TM9SF2: variants seen among roughly 807,000 people sequenced by gnomAD.
TM9SF2 encodes 76 kDa membrane protein.
TM9SF2 carries 13 observed loss-of-function variants against 84.9 expected under a neutral mutation model. The ratio of observed to expected loss-of-function variants is 0.15; its 90% confidence interval spans 0.10 to 0.24. The LOEUF is 0.24. TM9SF2 is among the 10% of genes least tolerant of loss of function. TM9SF2 has a pLI of 1.00. For synonymous variants in TM9SF2, 273 were observed against 285.8 expected (o/e 0.96, Z 0.45); for missense variants, 562 against 818.5 (o/e 0.69, Z 3.82).
intron 1 of TM9SF2, among the ~76,000 whole-genome samples, chr13:99,511,995 C>T (rs2046115540): frequency 6.6e-6 from 1 of 152,160 alleles, no homozygotes. Context: ...TCTTCCTTTT[C>T]CCTAGACTAG....
chr13:99,508,568 A>G (rs1166069223), intron 1 of TM9SF2, among the ~76,000 whole-genome samples: 2 of 152,042 alleles, frequency 1.3e-5, no homozygotes, highest in African/African-American at 2.4e-5. Flanking sequence ...GGTAATTTAT[A>G]AAGAAAAGAT....
chr13:99,505,200 C>T (rs1465210981), intron 1 of TM9SF2, among the ~76,000 whole-genome samples: 2 of 150,076 alleles, frequency 1.3e-5, no homozygotes, highest in Admixed American at 6.6e-5. Flanking sequence ...TCACCCAGGC[C>T]GGAGTGCAGT....
intron 3 of TM9SF2, among the ~76,000 whole-genome samples, chr13:99,528,401 A>T (rs1309574220): frequency 6.6e-6 from 1 of 152,208 alleles, no homozygotes; most frequent in East Asian, 1.9e-4. Context: ...AAGTACATGG[A>T]ACATAGGAAG....
chr13:99,507,241 G>GCCACT (rs1183727219), intron 1 of TM9SF2, among the ~76,000 whole-genome samples: 5 of 152,152 alleles, frequency 3.3e-5, no homozygotes, highest in Non-Finnish European at 7.4e-5. Context: ...TAGGCTCTTC[G>GCCACT]CCACTGCCTT....
intron 1 of TM9SF2, among the ~76,000 whole-genome samples, chr13:99,517,101 A>G (rs2046137995): frequency 6.6e-6 from 1 of 151,900 alleles, no homozygotes; most frequent in African/African-American, 2.4e-5. Context: ...TTATTTGTGT[A>G]TTTTTAAAAT....
Position 99,549,161 on chromosome 13 carries a change from A to G in TM9SF2, c.1271-4A>G, listed in dbSNP as rs145542140. 288 of 1,612,072 alleles carry G rather than the reference A, an allele frequency of 1.8e-4. 1 individual carries two copies. In the African/African-American group the frequency reaches 3.4e-3, roughly 19 times the overall value. ...ATTTATACAACTTTTGTTTTCTTCTATAGCCTTTGGAGGTGAGAAGTGGAA... is the reference window on the plus strand; with the variant it reads ...ATTTATACAACTTTTGTTTTCTTCTGTAGCCTTTGGAGGTGAGAAGTGGAA... On this transcript the variant is annotated splice_polypyrimidine_tract_variant and splice_region_variant and intron_variant, in intron 11 of 16. Coordinates refer to ENST00000376387, the MANE Select transcript of TM9SF2 (RefSeq NM_004800.3).
intron 12 of TM9SF2, among the ~76,000 whole-genome samples, chr13:99,549,940 T>C (rs887226571): frequency 2.0e-5 from 3 of 152,260 alleles, no homozygotes; most frequent in Admixed American, 2.0e-4. Context: ...ATATTCTCTC[T>C]ATCACCTCCA....
chr13:99,539,620 T>G, intron 7 of TM9SF2, 63 bp downstream of exon 7: 1 of 1,057,736 alleles, frequency 9.5e-7, no homozygotes, highest in Non-Finnish European at 1.5e-6. Flanking sequence ...CTACTTAAAC[T>G]AATTAAAATG....
At chr13:99,536,484 GT>G in intron 4 of TM9SF2, 123 bp from the exon 5 acceptor site, 2 of 1,171,410 alleles carry the variant, frequency 1.7e-6, no homozygotes, top group Admixed American at 2.3e-5. Flanking sequence ...ATTCTTTGTG[GT>G]TTTTGTAATC....
chr13:99,552,027 C>T (rs1218663557), intron 12 of TM9SF2, 140 bp from the exon 13 acceptor site: 1 of 826,106 alleles, frequency 1.2e-6, no homozygotes, highest in African/African-American at 1.7e-5. Context: ...TCAAGTTTTA[C>T]ATTCAGACAT....
At chr13:99,515,868 G>A (rs1400933159) in intron 1 of TM9SF2, among the ~76,000 whole-genome samples, 2 of 151,964 alleles carry the variant, frequency 1.3e-5, no homozygotes, top group Non-Finnish European at 1.5e-5. Context: ...CAGTAGCTGG[G>A]ATTACAGGTA....
chr13:99,540,613 T>C, intron 7 of TM9SF2, 101 bp from the exon 8 acceptor site: 1 of 848,392 alleles, frequency 1.2e-6, no homozygotes, highest in South Asian at 1.8e-5. Flanking sequence ...AAATTGCAGT[T>C]GTTGACTCAA....
At chr13:99,545,263 A>C (rs540379330) in intron 10 of TM9SF2, among the ~76,000 whole-genome samples, 1 of 152,334 alleles carries the variant, frequency 6.6e-6, no homozygotes, top group East Asian at 1.9e-4. Flanking sequence ...TCATTTTCAA[A>C]TGTCTGGCAC....
At chr13:99,537,631 C>A in intron 5 of TM9SF2, 108 bp from the exon 6 acceptor site, 1 of 897,376 alleles carries the variant, frequency 1.1e-6, no homozygotes, top group Non-Finnish European at 1.6e-6. Context: ...GCTTAAAATT[C>A]CATTCAAACT....
At chr13:99,533,823 A>G (rs2046221629) in intron 4 of TM9SF2, among the ~76,000 whole-genome samples, 1 of 152,004 alleles carries the variant, frequency 6.6e-6, no homozygotes, top group Non-Finnish European at 1.5e-5. Context: ...GGTGCCCGCC[A>G]CCACGCCTGG....
At chr13:99,512,672 T>TA (rs1333908775) in intron 1 of TM9SF2, among the ~76,000 whole-genome samples, 2 of 152,242 alleles carry the variant, frequency 1.3e-5, no homozygotes, top group Non-Finnish European at 2.9e-5. Flanking sequence ...TCCTGGTCTC[T>TA]AGAGTTACTG....
chr13:99,514,304 A>G (rs1266446870), intron 1 of TM9SF2: 2 of 152,240 alleles, frequency 1.3e-5, no homozygotes, highest in East Asian at 3.8e-4. Context: ...CAGCCTTGCA[A>G]GTTCTATTCA....
At position 99,517,614 on chromosome 13, in the gene TM9SF2, G is replaced by C. The variant is rs1451560473; in HGVS notation, c.172G>C (p.Ala58Pro). 8 of 1,558,984 alleles carry C rather than the reference G, an allele frequency of 5.1e-6. No homozygotes were observed. Among genetic ancestry groups the C allele is most frequent in the Non-Finnish European group, 6.9e-6 (8 of 1,152,346 alleles). Residue 58 changes from alanine (A) to proline (P), a missense_variant and splice_region_variant, in exon 2 of 17, where the codon GCC (alanine) becomes CCC (proline). By Grantham distance (27) the Ala-to-Pro change is conservative (BLOSUM62 -1). This residue lies in a region of TM9SF2 where 267 missense variants were observed against 316.7 expected (regional missense o/e 0.84). Transcript: ENST00000376387. ...TAATTTTGTGTTTCCTTATTTTCAG[G>C]CCGAAATAGAACTATTTGTGAACAG... Reference protein sequence around the residue: ...DEEKKSDECKAEIELFVNRLD... With the variant: ...DEEKKSDECKPEIELFVNRLD...
intron 3 of TM9SF2, among the ~76,000 whole-genome samples, chr13:99,522,449 T>C (rs1231908266): frequency 6.6e-6 from 1 of 152,236 alleles, no homozygotes; most frequent in Admixed American, 6.5e-5. Flanking sequence ...TCAAAGTGTA[T>C]GGACATGGGT....
Sources: gnomAD v4.1 joint callset for allele counts (sites outside exome capture counted in the v4.1 genomes callset) on GRCh38, gnomAD v4.1.1 for gene constraint, gnomAD v4.1.1 regional missense constraint, MANE v1.5 for transcripts, NCBI Gene and HGNC (gene_info 2026-07-23, HGNC 2026-07-21) for gene names.